GALNT13: variants seen among roughly 807,000 people sequenced by gnomAD.
GALNT13 encodes the protein UDP-GalNAc:polypeptide N-acetylgalactosaminyltransferase 13.
Under a neutral mutation model 64.2 loss-of-function variants are expected in GALNT13, and 28 were observed. The ratio of observed to expected loss-of-function variants is 0.44; its 90% CI spans 0.32 to 0.60. The LOEUF is 0.60. GALNT13 is among the 20% of genes least tolerant of loss of function. The pLI is 0.05. For synonymous variants in GALNT13, 214 were observed against 224.6 expected, an observed-to-expected ratio of 0.95 and a Z score of 0.42; for missense variants, 577 against 669.8, an observed-to-expected ratio of 0.86 and a Z score of 1.53.
chr2:153,819,978 C>A, the GALNT13 span, among the ~76,000 whole-genome samples: 1 of 152,012 alleles, frequency 6.6e-6, no homozygotes, highest in Non-Finnish European at 1.5e-5. Flanking sequence ...CCAATGAGAT[C>A]AAAGAAAAGG....
chr2:153,822,680 C>A, the GALNT13 span, among the ~76,000 whole-genome samples: 1 of 150,964 alleles, frequency 6.6e-6, no homozygotes, highest in African/African-American at 2.5e-5. Flanking sequence ...ACTGAATGGG[C>A]AAAAGCTGGA....
chr2:153,710,305 C>T, the GALNT13 span, among the ~76,000 whole-genome samples: 14 of 152,002 alleles, frequency 9.2e-5, no homozygotes, highest in Non-Finnish European at 4.4e-5. Flanking sequence ...AAACATGAAA[C>T]TACAAAAGTG....
At chr2:154,363,192 G>T (rs1697172983) in intron 9 of GALNT13, among the ~76,000 whole-genome samples, 1 of 152,094 alleles carries the variant, frequency 6.6e-6, no homozygotes, top group Non-Finnish European at 1.5e-5. Flanking sequence ...CAATAGGCTT[G>T]GTAAGCCAGA....
chr2:154,456,144 T>C (rs1017077814), downstream of GALNT13, among the ~76,000 whole-genome samples: 3 of 6,460 alleles, frequency 4.6e-4, no homozygotes, highest in Non-Finnish European at 1.3e-3. Context: ...ACATGTCTTT[T>C]TTTGTTTTTT....
chr2:153,175,950 A>G, the GALNT13 span, among the ~76,000 whole-genome samples: 1 of 152,192 alleles, frequency 6.6e-6, no homozygotes, highest in Non-Finnish European at 1.5e-5. Flanking sequence ...AGGCTACACC[A>G]AAAGAGTAAA....
chr2:154,137,594 A>G (rs906773393), intron 3 of GALNT13, among the ~76,000 whole-genome samples: 1 of 152,156 alleles, frequency 6.6e-6, no homozygotes, highest in African/African-American at 2.4e-5. Flanking sequence ...TAACTTACAT[A>G]ATGTGAAAAT....
chr2:153,392,139 T>A, the GALNT13 span, among the ~76,000 whole-genome samples: 1 of 149,414 alleles, frequency 6.7e-6, no homozygotes, highest in Non-Finnish European at 1.5e-5. Context: ...AAATTAAATA[T>A]ATACTACATT....
chr2:153,591,178 G>C, the GALNT13 span, among the ~76,000 whole-genome samples: 2 of 151,824 alleles, frequency 1.3e-5, no homozygotes, highest in African/African-American at 4.8e-5. Flanking sequence ...CAGTAACCTA[G>C]CTGACAAGAT....
At chr2:153,767,240 A>G in the GALNT13 span, among the ~76,000 whole-genome samples, 1 of 152,140 alleles carries the variant, frequency 6.6e-6, no homozygotes, top group Non-Finnish European at 1.5e-5. Context: ...TGCTTAGAAT[A>G]ATGGCCTCTA....
At chr2:153,928,972 G>A (rs1041139931) in intron 2 of GALNT13, among the ~76,000 whole-genome samples, 4 of 152,214 alleles carry the variant, frequency 2.6e-5, no homozygotes, top group Non-Finnish European at 4.4e-5. Flanking sequence ...GCCAAGTATT[G>A]TTTGTCACTT....
chr2:153,074,255 A>G, the GALNT13 span, among the ~76,000 whole-genome samples: 1 of 152,230 alleles, frequency 6.6e-6, no homozygotes, highest in Admixed American at 6.5e-5. Context: ...ACTTTGAGAT[A>G]CATTTATGTA....
At chr2:153,234,286 G>T in the GALNT13 span, among the ~76,000 whole-genome samples, 1 of 152,168 alleles carries the variant, frequency 6.6e-6, no homozygotes, top group Admixed American at 6.5e-5. Context: ...GACATGAGAA[G>T]AGTATGGATG....
the GALNT13 span, among the ~76,000 whole-genome samples, chr2:153,670,333 C>T: frequency 7.4e-4 from 113 of 152,150 alleles, no homozygotes; most frequent in African/African-American, 2.6e-3. Context: ...CTCTCTGGGA[C>T]GAAGATTCCA....
chr2:154,021,529 T>C (rs1697493089), intron 3 of GALNT13, among the ~76,000 whole-genome samples: 1 of 152,188 alleles, frequency 6.6e-6, no homozygotes, highest in Non-Finnish European at 1.5e-5. Flanking sequence ...TAAGAATGCT[T>C]GTGATTTTTG....
the GALNT13 span, among the ~76,000 whole-genome samples, chr2:153,433,149 T>G: frequency 6.6e-6 from 1 of 152,124 alleles, no homozygotes; most frequent in Non-Finnish European, 1.5e-5. Context: ...AAGAGACTAT[T>G]TATTCTAAGA....
intron 3 of GALNT13, among the ~76,000 whole-genome samples, chr2:153,961,894 A>G (rs1434502782): frequency 1.3e-5 from 2 of 152,180 alleles, no homozygotes; most frequent in East Asian, 3.9e-4. Flanking sequence ...AATTTTGTCC[A>G]CTTCTATCTT....
intron 1 of GALNT13, among the ~76,000 whole-genome samples, chr2:153,886,952 A>G (rs894207753): frequency 3.9e-5 from 6 of 152,096 alleles, no homozygotes; most frequent in African/African-American, 1.4e-4. Context: ...GCCTGGAATC[A>G]CATAAATGTA....
At chr2:154,391,537 C>A (rs1481936512) in intron 9 of GALNT13, among the ~76,000 whole-genome samples, 1 of 152,066 alleles carries the variant, frequency 6.6e-6, no homozygotes, top group African/African-American at 2.4e-5. Flanking sequence ...TGAAACCAGC[C>A]CCATCCAAGC....
chr2:153,964,211 G>A (rs1191178351), intron 3 of GALNT13, among the ~76,000 whole-genome samples: 1 of 152,158 alleles, frequency 6.6e-6, no homozygotes, highest in Non-Finnish European at 1.5e-5. Flanking sequence ...CACTTTGGGA[G>A]GCCAAGGCAA....
Sources: gnomAD v4.1 joint callset for allele counts (sites outside exome capture counted in the v4.1 genomes callset) on GRCh38, gnomAD v4.1.1 for gene constraint, MANE v1.5 for transcripts, NCBI Gene and HGNC (gene_info 2026-07-23, HGNC 2026-07-21) for gene names.